The following ABCE1 variants were observed in gnomAD, a reference collection of about 807,000 sequenced individuals.
ABCE1 encodes ATP-binding cassette sub-family E member 1.
ABCE1 carries 22 observed loss-of-function variants against 83.4 expected under a neutral mutation model. The observed-to-expected ratio is 0.26, with a 90% confidence interval of 0.19 to 0.38. The LOEUF is 0.38. Ranked by LOEUF, ABCE1 falls within the 10% of genes least tolerant of loss-of-function variation. The pLI is 1.00. For synonymous variants in ABCE1, 204 were observed against 233.7 expected, an observed-to-expected ratio of 0.87 and a Z score of 1.16; for missense variants, 330 against 721.9, an observed-to-expected ratio of 0.46 and a Z score of 6.22.
chr4:145,112,216 C>CTTTTTTTTTT (rs4148239), intron 8 of ABCE1, 23 bp from the exon 9 acceptor site: 12 of 1,130,602 alleles, frequency 1.1e-5, no homozygotes, highest in Admixed American at 3.0e-5. Flanking sequence ...CTTATATTTG[C>CTTTTTTTTTT]TTTTTTTTTT....
intron 8 of ABCE1, 187 bp downstream of exon 8, chr4:145,111,251 A>C (rs1749464137): frequency 4.6e-6 from 2 of 432,638 alleles, no homozygotes; most frequent in East Asian, 7.4e-5. Context: ...TCACAGGGGA[A>C]AATATTTATT....
At chr4:145,112,661 G>A (rs1291135109) in intron 9 of ABCE1, among the ~76,000 whole-genome samples, 3 of 152,090 alleles carry the variant, frequency 2.0e-5, no homozygotes, top group South Asian at 2.1e-4. Context: ...GCACGCACAC[G>A]CTTAGAATTT....
chr4:145,103,892 G>C (rs1447836129), intron 1 of ABCE1, among the ~76,000 whole-genome samples: 4 of 151,536 alleles, frequency 2.6e-5, no homozygotes, highest in Admixed American at 2.6e-4. Flanking sequence ...CTCCGGAATA[G>C]CTGGGACCGC....
chr4:145,110,486 A>AT (rs745641253), intron 7 of ABCE1, 42 bp downstream of exon 7: 33 of 1,576,842 alleles, frequency 2.1e-5, no homozygotes, highest in Non-Finnish European at 2.5e-5. Flanking sequence ...ATATTTATTT[A>AT]TTTTTTGAGA....
rs138914161 is a variant in ABCE1, at chr4:145,126,922, C to T, written c.1753-604C>T. On this transcript the variant is annotated intron_variant, in intron 17 of 17. Coordinates refer to ENST00000296577, the MANE Select transcript of ABCE1 (RefSeq NM_002940.3). ...GAAGAGTTTTCTCAGTTTTGAAAAGCATATTGGGTAGAAAAGAAGAATTTC... is the reference window on the plus strand; with the variant it reads ...GAAGAGTTTTCTCAGTTTTGAAAAGTATATTGGGTAGAAAAGAAGAATTTC... 9.2e-5 allele frequency among the ~76,000 whole-genome samples: 14 copies of T among 152,186 alleles called. No homozygotes were observed. In the East Asian group the frequency reaches 2.7e-3, roughly 29 times the overall value.
intron 9 of ABCE1, among the ~76,000 whole-genome samples, chr4:145,117,042 GTTTC>G (rs1474022506): frequency 6.6e-6 from 1 of 151,860 alleles, no homozygotes; most frequent in East Asian, 1.9e-4. Context: ...TTCGAAATAT[GTTTC>G]TTATTAGCAG....
At chr4:145,121,661 C>G in intron 13 of ABCE1, 2 of 300,894 alleles carry the variant, frequency 6.6e-6, no homozygotes, top group Non-Finnish European at 1.3e-5. Flanking sequence ...ATCACGAGGT[C>G]AGGAGATCGA....
chr4:145,106,693 A>C (rs1749313962), intron 3 of ABCE1, among the ~76,000 whole-genome samples: 1 of 152,118 alleles, frequency 6.6e-6, no homozygotes, highest in South Asian at 2.1e-4. Context: ...TCATATATGA[A>C]CAGTGGATAT....
rs779074055 is a variant in ABCE1, at chr4:145,123,145, A to T, written c.1374+14A>T. 5 of 1,574,948 alleles carry T rather than the reference A, an allele frequency of 3.2e-6. No individual in the cohort carries two copies. The highest frequency in any genetic ancestry group is 4.3e-6 in the Non-Finnish European group (5 of 1,167,202). The stretch of plus-strand genomic sequence containing the variant: ...ATTGATCAAGAGGTACTTTAACATA[A>T]TTTTTTTTATTTTTTTATTATTTTG... On this transcript the variant is annotated intron_variant, in intron 14 of 17. Transcript: ENST00000296577.
rs965520997 is a variant in ABCE1, at chr4:145,128,941, G to T, written c.*1368G>T. On this transcript the variant is annotated 3_prime_UTR_variant, in exon 18 of 18. Coordinates refer to ENST00000296577, the MANE Select transcript of ABCE1 (RefSeq NM_002940.3). Reference sequence around the variant, plus strand: ...AATATACAGAATGGAATAAAAAAATGATCTCCCTTTATTACCCTCCCAAAG... The same window carrying T: ...AATATACAGAATGGAATAAAAAAATTATCTCCCTTTATTACCCTCCCAAAG... 1 of 152,068 alleles carries T rather than the reference G, an allele frequency of 6.6e-6. No individual in the cohort carries two copies. Among genetic ancestry groups the T allele is most frequent in the Non-Finnish European group, 1.5e-5 (1 of 67,978 alleles). 9.4% of individuals were successfully genotyped at this position (152,068 alleles called of 1,614,324 possible). A position where few individuals can be genotyped will look rare whatever the true frequency, so the allele number is the denominator to read the frequency against.
chr4:145,105,532 T>C, intron 2 of ABCE1, 73 bp from the exon 3 acceptor site: 1 of 1,022,128 alleles, frequency 9.8e-7, no homozygotes, highest in Non-Finnish European at 1.5e-6. Context: ...AGAACCAGCA[T>C]TGCCTAAATA....
intron 4 of ABCE1, 81 bp downstream of exon 4, chr4:145,108,193 G>A (rs1207012374): frequency 8.0e-7 from 1 of 1,245,840 alleles, no homozygotes; most frequent in African/African-American, 1.5e-5. Context: ...TGCAGAAATT[G>A]GGGGGAAATG....
intron 9 of ABCE1, 24 bp from the exon 10 acceptor site, chr4:145,117,269 A>G (rs112109749): frequency 1.3e-6 from 2 of 1,581,596 alleles, no homozygotes; most frequent in African/African-American, 1.4e-5. Flanking sequence ...AAGAGTTTTA[A>G]CTAAAATCTG....
At chr4:145,124,881 A>G (rs1222579696) in intron 16 of ABCE1, 109 bp from the exon 17 acceptor site, 1 of 699,362 alleles carries the variant, frequency 1.4e-6, no homozygotes, top group Non-Finnish European at 2.5e-6. Context: ...CAGATGATTT[A>G]TGATTGGGGA....
intron 16 of ABCE1, among the ~76,000 whole-genome samples, chr4:145,124,649 C>T (rs1749828856): frequency 6.6e-6 from 1 of 152,132 alleles, no homozygotes; most frequent in South Asian, 2.1e-4. Flanking sequence ...CTCATCCCCC[C>T]TAAAAATGTG....
At chr4:145,121,547 C>G in intron 13 of ABCE1, 156 bp downstream of exon 13, 1 of 604,484 alleles carries the variant, frequency 1.7e-6, no homozygotes, top group South Asian at 2.1e-5. Context: ...ATCCTTGATT[C>G]ATATCCACTG....
At chr4:145,125,559 G>A (rs1749858297) in intron 17 of ABCE1, among the ~76,000 whole-genome samples, 1 of 152,076 alleles carries the variant, frequency 6.6e-6, no homozygotes, top group African/African-American at 2.4e-5. Flanking sequence ...ACTTTAGTGT[G>A]CGGTAGGCAG....
Position 145,108,042 on chromosome 4 carries a change from G to C in ABCE1, c.217G>C (p.Val73Leu). ...KKCPFGALSI[V>L]NLPSNLEKET... The stretch of plus-strand genomic sequence containing the variant: ...ATGCCCCTTTGGCGCCTTATCAATT[G>C]TCAATCTACCAAGCAACTTGGAAAA... Residue 73 changes from valine (V) to leucine (L), a missense_variant, in exon 4 of 18, where the codon GTC (valine) becomes CTC (leucine). Transcript: ENST00000296577. 1 of 1,613,392 alleles carries C rather than the reference G, an allele frequency of 6.2e-7. No homozygotes were observed. The highest frequency in any genetic ancestry group is 8.5e-7 in the Non-Finnish European group (1 of 1,179,678).
intron 9 of ABCE1, among the ~76,000 whole-genome samples, chr4:145,116,467 G>A (rs921114816): frequency 3.0e-4 from 46 of 151,986 alleles, no homozygotes; most frequent in African/African-American, 1.1e-3. Flanking sequence ...TGTCATTTTT[G>A]AGGGAATGAT....
Sources: allele counts gnomAD v4.1 joint callset (sites outside exome capture counted in the v4.1 genomes callset), GRCh38; gene constraint gnomAD v4.1.1; transcripts MANE v1.5; gene names NCBI Gene and HGNC (gene_info 2026-07-23, HGNC 2026-07-21).